Variants in DSCAML1 observed in about 807,000 individuals in gnomAD.
The protein encoded by DSCAML1 is cell adhesion molecule DSCAML1.
In DSCAML1, 38 loss-of-function variants were observed where a neutral mutation model predicts 200.5. The ratio of observed to expected loss-of-function variants is 0.19; its 90% confidence interval spans 0.15 to 0.25. The LOEUF is 0.25. Among genes scored for constraint, DSCAML1 ranks in the 10% least tolerant of loss-of-function variants. DSCAML1 has a pLI of 1.00. For synonymous variants in DSCAML1, 1,215 were observed against 1,165.0 expected (o/e 1.04, Z -0.87); for missense variants, 2,223 against 2,858.8 (o/e 0.78, Z 5.07).
At chr11:117,684,569 GAGA>G (rs2053373693) in intron 3 of DSCAML1, among the ~76,000 whole-genome samples, 1 of 151,708 alleles carries the variant, frequency 6.6e-6, no homozygotes, top group Admixed American at 6.6e-5. Context: ...GAGAGAGAGA[GAGA>G]AGGAGATGAC....
rs748784228 is a variant in DSCAML1, at chr11:117,481,129, G to GGCCC, written c.2656+41_2656+44dup. On this transcript the variant is annotated intron_variant, in intron 13 of 32. Coordinates refer to ENST00000651296, the MANE Select transcript of DSCAML1 (RefSeq NM_020693.4). ...AGGTGGAGTTAGCGGTGGGCCCCTG[G>GGCCC]GCCCTGGGGAGGTGGGATGGGAAGG... The GGCCC allele has an allele frequency of 1.9e-6, 3 of 1,586,114 alleles. No individual in the cohort carries two copies. In the South Asian group the frequency reaches 3.3e-5, roughly 18 times the overall value.
Position 117,431,832 on chromosome 11 carries a change from G to A in DSCAML1, c.5180-104C>T. ...GCAGGGGGGAGCAAGGGAAGAGGCA[G>A]ATGCAGCCACAGAAGCGCCCTTGGG... On this transcript the variant is annotated intron_variant, in intron 30 of 32. Transcript: ENST00000651296. 5 of 1,167,672 alleles carry A rather than the reference G, an allele frequency of 4.3e-6. No individual in the cohort carries two copies. In the South Asian group the frequency reaches 5.4e-5, roughly 13 times the overall value. The allele number at this position is 1,167,672 out of a possible 1,614,324, so 72.3% of individuals were successfully genotyped here.
intron 3 of DSCAML1, among the ~76,000 whole-genome samples, chr11:117,750,868 T>C (rs568477985): frequency 6.6e-6 from 1 of 152,156 alleles, no homozygotes; most frequent in Non-Finnish European, 1.5e-5. Context: ...TCCAGGGGCT[T>C]ATGCTCTACA....
At position 117,505,794 on chromosome 11, in the gene DSCAML1, C is replaced by T. The variant is rs573695510; in HGVS notation, c.1784-62G>A. The T allele has an allele frequency of 1.1e-4, 172 of 1,544,436 alleles. No individual in the cohort carries two copies. The highest frequency in any genetic ancestry group is 4.8e-4 in the East Asian group (21 of 43,574). On this transcript the variant is annotated intron_variant, in intron 8 of 32. Coordinates refer to ENST00000651296, the MANE Select transcript of DSCAML1 (RefSeq NM_020693.4). The surrounding 1 kb of genome is among the most constrained non-coding windows in gnomAD (Gnocchi z 6.7). The stretch of plus-strand genomic sequence containing the variant: ...TGCATTCTCACCTGGCCGCCAACGC[C>T]GCCTCACCTGCCTTACCTGGGGCTC...
chr11:117,685,283 G>T (rs904170615), intron 3 of DSCAML1, among the ~76,000 whole-genome samples: 1 of 152,190 alleles, frequency 6.6e-6, no homozygotes, highest in Non-Finnish European at 1.5e-5. Context: ...TTTATCCAAG[G>T]TCACACAGAA....
At chr11:117,491,526 G>T (rs546007191) in intron 11 of DSCAML1, among the ~76,000 whole-genome samples, 48 of 152,346 alleles carry the variant, frequency 3.2e-4, no homozygotes, top group African/African-American at 1.1e-3. Flanking sequence ...AGCACTTTGG[G>T]AGGCCAAGGC....
intron 3 of DSCAML1, among the ~76,000 whole-genome samples, chr11:117,644,430 C>T (rs1565847002): frequency 6.6e-6 from 1 of 152,242 alleles, no homozygotes; most frequent in South Asian, 2.1e-4. Flanking sequence ...CCAAAAGATG[C>T]TAGTGTGCCC....
At chr11:117,763,342 C>T (rs2054839748) in intron 3 of DSCAML1, among the ~76,000 whole-genome samples, 1 of 151,898 alleles carries the variant, frequency 6.6e-6, no homozygotes, top group African/African-American at 2.4e-5. Flanking sequence ...CTGTGTGATC[C>T]CAGTGGGCAG....
In DSCAML1 at chr11:117,437,473, C is replaced by T; in HGVS notation, c.4433-64G>A. The T allele has an allele frequency of 1.3e-6, 2 of 1,551,576 alleles. No individual in the cohort carries two copies. The highest frequency in any genetic ancestry group is 1.7e-6 in the Non-Finnish European group (2 of 1,144,890). ...TGGTGGGAGGCAGGACTGGACTGGG[C>T]TGGGCTGGAAAGGATTTCCCTGGGG... On this transcript the variant is annotated intron_variant, in intron 25 of 32. Coordinates refer to ENST00000651296, the MANE Select transcript of DSCAML1 (RefSeq NM_020693.4). This position sits in a 1 kb window ranked among gnomAD's most constrained non-coding sequence, Gnocchi z 5.3.
At chr11:117,661,267 G>A (rs996864707) in intron 3 of DSCAML1, among the ~76,000 whole-genome samples, 7 of 152,188 alleles carry the variant, frequency 4.6e-5, no homozygotes, top group East Asian at 1.9e-4. Flanking sequence ...AGGCACCTCA[G>A]AGGACTACAG....
intron 3 of DSCAML1, among the ~76,000 whole-genome samples, chr11:117,572,297 T>C (rs563706882): frequency 1.1e-4 from 16 of 152,332 alleles, no homozygotes; most frequent in Admixed American, 9.1e-4. Context: ...TTTGTGGTTT[T>C]CACAAGGGTT....
rs2052054917 is a variant in DSCAML1, at chr11:117,626,742, C to G, written c.512-94220G>C. The stretch of plus-strand genomic sequence containing the variant: ...GTCCCTATGTCTCCAGAGCCCCACA[C>G]CTTGGACCACCCCACATCCCTGGAC... On this transcript the variant is annotated intron_variant, in intron 3 of 32. Transcript: ENST00000651296. Among the ~76,000 whole-genome samples, 4 of 152,178 alleles carry G rather than the reference C, an allele frequency of 2.6e-5. No individual in the cohort carries two copies. The South Asian group carries it at 8.3e-4, about 32-fold the overall frequency.
At chr11:117,432,741 A>G (rs145727700) in intron 29 of DSCAML1, among the ~76,000 whole-genome samples, 2 of 149,764 alleles carry the variant, frequency 1.3e-5, no homozygotes, top group East Asian at 2.0e-4. Context: ...CCTTCTGAGT[A>G]GTTGAGACTA....
At chr11:117,646,592 T>C (rs1029825582) in intron 3 of DSCAML1, among the ~76,000 whole-genome samples, 4 of 152,132 alleles carry the variant, frequency 2.6e-5, no homozygotes, top group African/African-American at 9.7e-5. Context: ...GATTAATGAG[T>C]GTGTGGGAGT....
chr11:117,487,746 G>A (rs1263886567), intron 11 of DSCAML1, among the ~76,000 whole-genome samples: 2 of 152,220 alleles, frequency 1.3e-5, no homozygotes, highest in Non-Finnish European at 2.9e-5. Context: ...AGCATGCTGA[G>A]AACTGGGAAT....
At chr11:117,662,503 G>C (rs1232816214) in intron 3 of DSCAML1, among the ~76,000 whole-genome samples, 2 of 152,196 alleles carry the variant, frequency 1.3e-5, no homozygotes, top group Non-Finnish European at 2.9e-5. Flanking sequence ...ACCACTCGTC[G>C]AGAATGCCAG....
intron 3 of DSCAML1, among the ~76,000 whole-genome samples, chr11:117,761,464 T>A (rs1204343787): frequency 6.6e-6 from 1 of 152,248 alleles, no homozygotes; most frequent in Non-Finnish European, 1.5e-5. Flanking sequence ...TAGAGACAGA[T>A]AGTGGGCTCT....
chr11:117,621,651 T>G (rs549800779), intron 3 of DSCAML1, among the ~76,000 whole-genome samples: 47 of 152,360 alleles, frequency 3.1e-4, no homozygotes, highest in African/African-American at 1.1e-3. Flanking sequence ...TATATTTTTT[T>G]GGGGAAAAGA....
chr11:117,521,527 C>T lies in DSCAML1; in HGVS notation c.938-122G>A, dbSNP rs769475457. On this transcript the variant is annotated intron_variant, in intron 5 of 32. Coordinates refer to ENST00000651296, the MANE Select transcript of DSCAML1 (RefSeq NM_020693.4). ...GTCACAAAAGGCCCAGGTTCTGCCT[C>T]CAGACCCCTTGTGTGGACTGGGACT... The T allele has an allele frequency of 9.6e-5, 97 of 1,013,062 alleles. No individual in the cohort carries two copies. The Middle Eastern group carries it at 2.0e-3, about 21-fold the overall frequency. The allele number at this position is 1,013,062 out of a possible 1,614,324, so 62.8% of individuals were successfully genotyped here.
Sources: allele counts gnomAD v4.1 joint callset (sites outside exome capture counted in the v4.1 genomes callset), GRCh38; gene constraint gnomAD v4.1.1; non-coding constraint Gnocchi (gnomAD v3.1); transcripts MANE v1.5; gene names NCBI Gene and HGNC (gene_info 2026-07-23, HGNC 2026-07-21).